LRBA: variants seen among roughly 807,000 people sequenced by gnomAD.
LRBA encodes the protein lipopolysaccharide-responsive and beige-like anchor protein.
LRBA carries 176 observed loss-of-function variants against 330.0 expected under a neutral mutation model. The ratio of observed to expected loss-of-function variants is 0.53; its 90% CI spans 0.47 to 0.60. The LOEUF (loss-of-function observed/expected upper bound fraction) is 0.60, where lower values mean the gene tolerates loss of function less well. LRBA is among the 20% of genes least tolerant of loss of function. The pLI is 0.00. For synonymous variants in LRBA, 1,230 were observed against 1,193.0 expected (o/e 1.03, Z -0.64); for missense variants, 3,259 against 3,444.8 (o/e 0.95, Z 1.35).
intron 13 of LRBA, among the ~76,000 whole-genome samples, chr4:150,905,015 G>A (rs1219659346): frequency 6.6e-6 from 1 of 152,128 alleles, no homozygotes; most frequent in Non-Finnish European, 1.5e-5. Context: ...TTGTAGATAA[G>A]ACGGATACAA....
intron 40 of LRBA, among the ~76,000 whole-genome samples, chr4:150,508,850 C>T (rs929599273): frequency 1.3e-5 from 2 of 152,088 alleles, no homozygotes; most frequent in Non-Finnish European, 2.9e-5. Flanking sequence ...TTGAACAAGA[C>T]CATCAACCAA....
chr4:150,464,080 G>T (rs905503146), intron 44 of LRBA, among the ~76,000 whole-genome samples: 3 of 150,974 alleles, frequency 2.0e-5, no homozygotes, highest in Middle Eastern at 3.2e-3. Context: ...CATGAGTCCA[G>T]CCCGAGTCCA....
chr4:150,855,207 G>A (rs1406964950), intron 22 of LRBA, among the ~76,000 whole-genome samples: 1 of 152,182 alleles, frequency 6.6e-6, no homozygotes, highest in Non-Finnish European at 1.5e-5. Context: ...AGGTTGCAGT[G>A]AGCCAAAATA....
At chr4:150,558,481 T>C (rs1767620816) in intron 40 of LRBA, among the ~76,000 whole-genome samples, 2 of 152,212 alleles carry the variant, frequency 1.3e-5, no homozygotes, top group South Asian at 4.1e-4. Flanking sequence ...ATTTGGCTCT[T>C]GTGTCCCTTT....
At chr4:150,636,593 G>A (rs1777936339) in intron 37 of LRBA, among the ~76,000 whole-genome samples, 1 of 152,168 alleles carries the variant, frequency 6.6e-6, no homozygotes, top group African/African-American at 2.4e-5. Flanking sequence ...ATTGCTACCA[G>A]GATGTCACTA....
rs118134206 is a variant in LRBA, at chr4:150,382,686, G to A, written c.7195-32527C>T. On this transcript the variant is annotated intron_variant, in intron 47 of 56. Coordinates refer to ENST00000651943, the MANE Select transcript of LRBA (RefSeq NM_001364905.1). The stretch of plus-strand genomic sequence containing the variant: ...GTTTGCAAATATTCACAGGCTTTTT[G>A]TGCTTTTTCAAGGCAAACTAAACCA... 2.9e-4 allele frequency among the ~76,000 whole-genome samples: 44 copies of A among 151,222 alleles called. 2 individuals are homozygous for A. In the East Asian group the frequency reaches 8.3e-3, roughly 29 times the overall value.
intron 37 of LRBA, among the ~76,000 whole-genome samples, chr4:150,643,624 T>C (rs547948363): frequency 1.2e-3 from 187 of 152,092 alleles, no homozygotes; most frequent in Middle Eastern, 3.4e-3. Flanking sequence ...CAGAGCAAAA[T>C]GATCTAGTGC....
chr4:150,429,852 G>A (rs1325911207), intron 46 of LRBA, among the ~76,000 whole-genome samples: 1 of 151,772 alleles, frequency 6.6e-6, no homozygotes, highest in Non-Finnish European at 1.5e-5. Context: ...TTTTTCATCT[G>A]GAGAGATATG....
chr4:150,515,374 A>G (rs1236007801), intron 40 of LRBA, among the ~76,000 whole-genome samples: 1 of 152,176 alleles, frequency 6.6e-6, no homozygotes, highest in Non-Finnish European at 1.5e-5. Context: ...CTAAAGAAAA[A>G]AAGTTAGTAA....
At chr4:150,424,208 T>C (rs28446645) in intron 46 of LRBA, among the ~76,000 whole-genome samples, 13,754 of 152,176 alleles carry the variant, frequency 0.09, 1,151 homozygotes, top group African/African-American at 0.22. Flanking sequence ...ATTAGCACAA[T>C]TAAATAAGAG....
intron 40 of LRBA, among the ~76,000 whole-genome samples, chr4:150,551,609 A>T (rs1261520151): frequency 6.6e-6 from 1 of 152,134 alleles, no homozygotes; most frequent in African/African-American, 2.4e-5. Flanking sequence ...TCAAGGCTGC[A>T]GTAAGCCATG....
chr4:150,828,119 C>T (rs557202503), intron 30 of LRBA, 61 bp downstream of exon 30: 58 of 1,486,118 alleles, frequency 3.9e-5, no homozygotes, highest in Non-Finnish European at 4.9e-5. Context: ...CATCCCTAAC[C>T]CCCATGTTGT....
intron 16 of LRBA, among the ~76,000 whole-genome samples, chr4:150,894,688 G>A (rs1437973392): frequency 6.6e-6 from 1 of 152,154 alleles, no homozygotes; most frequent in Non-Finnish European, 1.5e-5. Context: ...ATGATCTGGA[G>A]CTAGGACACT....
At chr4:150,334,831 GTT>G (rs34140293) in intron 48 of LRBA, among the ~76,000 whole-genome samples, 53 of 113,608 alleles carry the variant, frequency 4.7e-4, no homozygotes, top group Non-Finnish European at 7.1e-4. Context: ...TTTTGTCTTG[GTT>G]TTTTTTTTTT....
intron 34 of LRBA, among the ~76,000 whole-genome samples, chr4:150,772,114 T>A (rs982797163): frequency 6.6e-6 from 1 of 152,118 alleles, no homozygotes; most frequent in Admixed American, 6.6e-5. Flanking sequence ...ATAATCACAT[T>A]TATCCTTCCA....
chr4:150,989,159 C>A (rs967575946), intron 2 of LRBA, among the ~76,000 whole-genome samples: 2 of 151,998 alleles, frequency 1.3e-5, no homozygotes, highest in African/African-American at 4.8e-5. Flanking sequence ...CGCACCACCA[C>A]CCCGCCTCAC....
chr4:150,747,320 T>C (rs1392562627), intron 35 of LRBA, among the ~76,000 whole-genome samples: 1 of 152,238 alleles, frequency 6.6e-6, no homozygotes, highest in Admixed American at 6.5e-5. Context: ...TATCAGTCTC[T>C]TCTTTAGTAC....
chr4:150,271,241 C>T (rs113250489), intron 56 of LRBA, among the ~76,000 whole-genome samples: 22 of 152,252 alleles, frequency 1.4e-4, no homozygotes, highest in African/African-American at 5.1e-4. Context: ...TGGGTGCCTA[C>T]ACCACCAGGG....
chr4:150,498,027 G>A (rs1759792523), intron 40 of LRBA, among the ~76,000 whole-genome samples: 1 of 152,050 alleles, frequency 6.6e-6, no homozygotes, highest in African/African-American at 2.4e-5. Flanking sequence ...TCAACCTTTA[G>A]CCCAGCTTTA....
Sources: allele counts gnomAD v4.1 joint callset (sites outside exome capture counted in the v4.1 genomes callset), GRCh38; gene constraint gnomAD v4.1.1; transcripts MANE v1.5; gene names NCBI Gene and HGNC (gene_info 2026-07-23, HGNC 2026-07-21).